The following DPY19L1 variants were observed in gnomAD, a reference collection of about 807,000 sequenced individuals.
DPY19L1 encodes the protein dpy-19 like C-mannosyltransferase 1, also known as protein C-mannosyl-transferase DPY19L1.
Under a neutral mutation model 96.9 loss-of-function variants are expected in DPY19L1, and 35 were observed. That is an observed-to-expected ratio of 0.36 (90% confidence interval 0.28 to 0.48). The LOEUF (loss-of-function observed/expected upper bound fraction) is 0.48, where lower values mean the gene tolerates loss of function less well. Ranked by LOEUF, DPY19L1 falls within the 20% of genes least tolerant of loss-of-function variation. The probability of loss-of-function intolerance (pLI) is 0.99; values close to 1 mark genes in which losing one functional copy is unlikely to be tolerated. For synonymous variants in DPY19L1, 205 were observed against 252.6 expected, an observed-to-expected ratio of 0.81 and a Z score of 1.79; for missense variants, 521 against 777.9, an observed-to-expected ratio of 0.67 and a Z score of 3.93.
At chr7:35,005,191 G>A (rs1785522722) in intron 6 of DPY19L1, among the ~76,000 whole-genome samples, 1 of 151,822 alleles carries the variant, frequency 6.6e-6, no homozygotes, top group Admixed American at 6.6e-5. Flanking sequence ...AGAGTAGTAG[G>A]AACTCTGAAG....
At chr7:34,954,540 T>C in intron 13 of DPY19L1, 158 bp downstream of exon 13, 2 of 443,700 alleles carry the variant, frequency 4.5e-6, no homozygotes, top group South Asian at 8.8e-5. Context: ...AAAATCTATA[T>C]ACAATTACAT....
rs543508036 is a variant in DPY19L1 at position 35,010,353 on chromosome 7, G to A, written c.764+115C>T. The A allele has an allele frequency of 2.8e-4, 176 of 631,306 alleles. No homozygotes were observed. In the African/African-American group the frequency reaches 3.2e-3, roughly 11 times the overall value. 39.1% of individuals were successfully genotyped at this position (631,306 alleles called of 1,614,324 possible). A position where few individuals can be genotyped will look rare whatever the true frequency, so the allele number is the denominator to read the frequency against. The stretch of plus-strand genomic sequence containing the variant: ...CAAATAATGAATTTTATGATAATAA[G>A]ATATTTTAGGATATTTTCATAAAAC... On this transcript the variant is annotated intron_variant, in intron 6 of 21. Coordinates refer to ENST00000638088, the MANE Select transcript of DPY19L1 (RefSeq NM_001366673.1).
intron 7 of DPY19L1, among the ~76,000 whole-genome samples, chr7:34,978,060 T>G (rs1406527326): frequency 6.6e-6 from 1 of 152,112 alleles, no homozygotes; most frequent in African/African-American, 2.4e-5. Context: ...ATCTCAAAAG[T>G]AGCTTAATTT....
intron 9 of DPY19L1, among the ~76,000 whole-genome samples, chr7:34,969,006 C>T (rs1784669956): frequency 6.6e-6 from 1 of 151,978 alleles, no homozygotes; most frequent in Admixed American, 6.6e-5. Context: ...ATCCTGTAAT[C>T]CTATGTGTCT....
rs145786211 is a variant in DPY19L1 at position 34,954,071 on chromosome 7, G to C, written c.1320+627C>G. On this transcript the variant is annotated intron_variant, in intron 13 of 21. Transcript: ENST00000638088. ...TTTTTTCCATGTTGGTTCTTGTGCT[G>C]CTTTTTTAAATTAAATCTTTGATAG... Among the ~76,000 whole-genome samples, 157 of 152,258 alleles carry C rather than the reference G, an allele frequency of 1.0e-3. 4 individuals are homozygous for C. The East Asian group carries it at 0.025, about 24-fold the overall frequency.
intron 8 of DPY19L1, among the ~76,000 whole-genome samples, chr7:34,971,716 T>C (rs1784728182): frequency 6.6e-6 from 1 of 151,932 alleles, no homozygotes; most frequent in Non-Finnish European, 1.5e-5. Context: ...AAAGAAAACA[T>C]AAAAAGCTTG....
chr7:34,935,706 T>A (rs1050354821), intron 21 of DPY19L1, among the ~76,000 whole-genome samples: 5 of 152,192 alleles, frequency 3.3e-5, no homozygotes, highest in Non-Finnish European at 5.9e-5. Flanking sequence ...GGTTTCAGGC[T>A]GATCATAACT....
Position 34,938,137 on chromosome 7 carries a change from T to C in DPY19L1, c.1965-18A>G. 3 of 1,610,104 alleles carry C rather than the reference T, an allele frequency of 1.9e-6. No individual in the cohort carries two copies. The highest frequency in any genetic ancestry group is 2.5e-6 in the Non-Finnish European group (3 of 1,178,544). ...TTCTGGCTCTTTAAAGAAAAATAAT[T>C]GGGCATAAAATTTTCAAGACTAAAA... On this transcript the variant is annotated intron_variant, in intron 20 of 21. Transcript: ENST00000638088.
intron 21 of DPY19L1, among the ~76,000 whole-genome samples, chr7:34,932,043 A>G (rs1376794144): frequency 6.6e-6 from 1 of 152,200 alleles, no homozygotes; most frequent in African/African-American, 2.4e-5. Context: ...CTGGGCAGGT[A>G]GCTTCCCTTG....
chr7:34,936,756 TAGG>T (rs1342562115), intron 21 of DPY19L1, among the ~76,000 whole-genome samples: 9 of 152,256 alleles, frequency 5.9e-5, no homozygotes, highest in Admixed American at 4.6e-4. Context: ...CACACGTTCA[TAGG>T]AGAATCATTC....
At chr7:35,008,529 C>T (rs1785620673) in intron 6 of DPY19L1, among the ~76,000 whole-genome samples, 1 of 152,202 alleles carries the variant, frequency 6.6e-6, no homozygotes, top group Admixed American at 6.5e-5. Flanking sequence ...ACAAATTCTT[C>T]TTTCAATTAA....
chr7:34,955,321 T>G lies in DPY19L1; in HGVS notation c.1226A>C (p.Glu409Ala). Residue 409 changes from glutamate (E) to alanine (A), a missense_variant, in exon 12 of 22, where the codon GAA becomes GCA. Coordinates refer to ENST00000638088, the MANE Select transcript of DPY19L1 (RefSeq NM_001366673.1). ...ATTGATTCTCACCCATAAACTAAGT[T>G]CAGATACATTTATTTTCAGGAAATG... ...KPHFLKINVS[E>A]LSLWVIQGCF... The G allele has an allele frequency of 6.2e-7, 1 of 1,604,972 alleles. No individual in the cohort carries two copies. The highest frequency in any genetic ancestry group is 8.5e-7 in the Non-Finnish European group (1 of 1,173,716).
intron 15 of DPY19L1, 25 bp from the exon 16 acceptor site, chr7:34,945,741 T>C (rs1313262946): frequency 1.3e-6 from 2 of 1,517,154 alleles, no homozygotes; most frequent in Non-Finnish European, 1.8e-6. Flanking sequence ...TGAAACACTT[T>C]AGAAAAGCTG....
At chr7:35,002,291 G>T (rs1785446308) in intron 6 of DPY19L1, among the ~76,000 whole-genome samples, 1 of 151,526 alleles carries the variant, frequency 6.6e-6, no homozygotes, top group African/African-American at 2.4e-5. Flanking sequence ...TTTTTAAAAA[G>T]GAATGTTTAT....
chr7:34,942,318 G>A (rs1407000183), intron 17 of DPY19L1, among the ~76,000 whole-genome samples: 1 of 152,162 alleles, frequency 6.6e-6, no homozygotes, highest in African/African-American at 2.4e-5. Context: ...TGAGCAGAGA[G>A]GAAAGTGATT....
intron 21 of DPY19L1, among the ~76,000 whole-genome samples, chr7:34,932,938 A>C (rs1356284013): frequency 6.6e-6 from 1 of 152,162 alleles, no homozygotes; most frequent in East Asian, 1.9e-4. Flanking sequence ...ACTCTCCACC[A>C]TGAGGCAAAC....
At chr7:34,986,500 A>C (rs1359015123) in intron 7 of DPY19L1, among the ~76,000 whole-genome samples, 1 of 152,074 alleles carries the variant, frequency 6.6e-6, no homozygotes, top group Non-Finnish European at 1.5e-5. Flanking sequence ...ACCTTGAGCC[A>C]ATCACTTAAT....
chr7:34,990,949 A>G (rs1159199216), intron 6 of DPY19L1, among the ~76,000 whole-genome samples: 3 of 152,228 alleles, frequency 2.0e-5, no homozygotes, highest in Admixed American at 1.3e-4. Context: ...TGATGTATCA[A>G]TGAGGAAAAG....
chr7:34,972,694 CAT>C, intron 8 of DPY19L1, among the ~76,000 whole-genome samples: 1 of 152,156 alleles, frequency 6.6e-6, no homozygotes, highest in Non-Finnish European at 1.5e-5. Flanking sequence ...GTTATGAATT[CAT>C]AGAGGTTCAC....
Sources: gnomAD v4.1 joint callset for allele counts (sites outside exome capture counted in the v4.1 genomes callset) on GRCh38, gnomAD v4.1.1 for gene constraint, MANE v1.5 for transcripts, NCBI Gene and HGNC (gene_info 2026-07-23, HGNC 2026-07-21) for gene names.